The following COL13A1 variants were observed in gnomAD, a reference collection of about 807,000 sequenced individuals.
The protein encoded by COL13A1 is collagen type XIII alpha 1 chain.
Under a neutral mutation model 130.9 loss-of-function variants are expected in COL13A1, and 89 were observed. The ratio of observed to expected loss-of-function variants is 0.68; its 90% CI spans 0.57 to 0.81. The LOEUF (loss-of-function observed/expected upper bound fraction) is 0.81. COL13A1 is among the 30% of genes least tolerant of loss of function. COL13A1 has a pLI of 0.00. For missense variants in COL13A1, 879 were observed against 934.6 expected (o/e 0.94, Z 0.78); for synonymous variants, 402 against 341.6 (o/e 1.18, Z -1.95).
chr10:69,898,079 C>A (rs1305587148), intron 13 of COL13A1, among the ~76,000 whole-genome samples: 1 of 152,188 alleles, frequency 6.6e-6, no homozygotes, highest in African/African-American at 2.4e-5. Flanking sequence ...TCACCCTCAG[C>A]CAGCTCAAAC....
chr10:69,950,197 T>C (rs1393613602), intron 38 of COL13A1, among the ~76,000 whole-genome samples: 1 of 152,074 alleles, frequency 6.6e-6, no homozygotes, highest in African/African-American at 2.4e-5. Context: ...CTGTTAGACA[T>C]TTACTTATGT....
intron 2 of COL13A1, among the ~76,000 whole-genome samples, chr10:69,824,948 T>C (rs909456750): frequency 2.0e-5 from 3 of 152,182 alleles, no homozygotes; most frequent in African/African-American, 4.8e-5. Context: ...TTTCACATCA[T>C]GGAATCACAG....
At chr10:69,885,027 C>T (rs1023058667) in intron 7 of COL13A1, among the ~76,000 whole-genome samples, 1 of 152,138 alleles carries the variant, frequency 6.6e-6, no homozygotes, top group Non-Finnish European at 1.5e-5. Context: ...TTATTAAAGC[C>T]AATTTATTCA....
chr10:69,891,150 A>G (rs941772389), intron 10 of COL13A1, among the ~76,000 whole-genome samples: 1 of 152,208 alleles, frequency 6.6e-6, no homozygotes, highest in Non-Finnish European at 1.5e-5. Context: ...CTCACAGTCT[A>G]GTAGGGAGAC....
chr10:69,950,785 C>T (rs1445994458), intron 38 of COL13A1, among the ~76,000 whole-genome samples: 1 of 152,154 alleles, frequency 6.6e-6, no homozygotes, highest in East Asian at 1.9e-4. Flanking sequence ...TTGCAGACCA[C>T]CTCTGAAATA....
intron 2 of COL13A1, among the ~76,000 whole-genome samples, chr10:69,834,132 A>C (rs1215594640): frequency 6.6e-6 from 1 of 152,128 alleles, no homozygotes; most frequent in African/African-American, 2.4e-5. Context: ...TTCAGGATGA[A>C]ATTGTTCCAC....
At chr10:69,937,093 GAGAC>G (rs1360044445) in intron 33 of COL13A1, among the ~76,000 whole-genome samples, 1 of 152,194 alleles carries the variant, frequency 6.6e-6, no homozygotes, top group Non-Finnish European at 1.5e-5. Context: ...AGGTGGGAGA[GAGAC>G]AGCAACATAG....
rs537376208 is a variant in COL13A1 at position 69,885,188 on chromosome 10, A to AT, written c.514-2268_514-2267insT. ...ACACAAAACCCAAAAGCCATAGGAG[A>AT]AGATTAAGTTTGTCTGTAGAAATAT... On this transcript the variant is annotated intron_variant, in intron 7 of 40. Transcript: ENST00000645393. 1.8e-3 allele frequency among the ~76,000 whole-genome samples: 279 copies of AT among 152,362 alleles called. 2 individuals are homozygous for AT. The highest frequency in any genetic ancestry group is 6.6e-3 in the African/African-American group (273 of 41,586).
intron 40 of COL13A1, among the ~76,000 whole-genome samples, chr10:69,957,753 C>A (rs527778637): frequency 6.6e-6 from 1 of 152,292 alleles, no homozygotes; most frequent in South Asian, 2.1e-4. Context: ...ATCCAGAAGA[C>A]CCGCCTTGGT....
chr10:69,828,798 G>A (rs1848128884), intron 2 of COL13A1, among the ~76,000 whole-genome samples: 1 of 152,092 alleles, frequency 6.6e-6, no homozygotes. Flanking sequence ...CCACCCACTG[G>A]GACAAGTAAT....
chr10:69,810,160 C>T lies in COL13A1; in HGVS notation c.294+7443C>T, dbSNP rs369237649. On this transcript the variant is annotated intron_variant, in intron 1 of 40. Coordinates refer to ENST00000645393, the MANE Select transcript of COL13A1 (RefSeq NM_001368882.1). ...CCTCCTTCTCACTGATCCAGATGTC[C>T]TCAAAGGCTTGCCCTTGTACGGGTG... Among the ~76,000 whole-genome samples, 18 of 152,246 alleles carry T rather than the reference C, an allele frequency of 1.2e-4. 1 individual carries two copies. The East Asian group carries it at 2.5e-3, about 21-fold the overall frequency.
intron 2 of COL13A1, among the ~76,000 whole-genome samples, chr10:69,866,975 G>A (rs1323505707): frequency 2.0e-5 from 3 of 152,120 alleles, no homozygotes; most frequent in Non-Finnish European, 2.9e-5. Flanking sequence ...CTCATGTTCC[G>A]CAGAAGCGCC....
At chr10:69,828,378 C>T (rs1217676918) in intron 2 of COL13A1, among the ~76,000 whole-genome samples, 2 of 152,152 alleles carry the variant, frequency 1.3e-5, no homozygotes, top group Non-Finnish European at 2.9e-5. Context: ...GTGCCCCCTT[C>T]GCCTTCACCC....
At chr10:69,927,272 G>A (rs2065492032) in intron 27 of COL13A1, among the ~76,000 whole-genome samples, 162 bp downstream of exon 27, 1 of 152,144 alleles carries the variant, frequency 6.6e-6, no homozygotes, top group Admixed American at 6.5e-5. Flanking sequence ...CTGAGCTGGA[G>A]GTGATGAGTC....
intron 31 of COL13A1, among the ~76,000 whole-genome samples, chr10:69,932,919 C>G (rs559696968): frequency 3.3e-5 from 5 of 152,000 alleles, no homozygotes; most frequent in African/African-American, 1.2e-4. Flanking sequence ...GGCGGATCAC[C>G]TGAGGTCGGG....
chr10:69,948,467 C>T (rs2136233840), intron 38 of COL13A1, among the ~76,000 whole-genome samples: 1 of 152,316 alleles, frequency 6.6e-6, no homozygotes, highest in East Asian at 1.9e-4. Context: ...AGCAGCGCCA[C>T]CCCTGCCCAT....
rs552313425 is a variant in COL13A1, at chr10:69,864,643, G to A, written c.365-3155G>A. Reference sequence around the variant, plus strand: ...ATTGTTAAGTGTTTGTTGAATGAACGAACATACAAAAAGTGGTTGAAAAAG... The same window carrying A: ...ATTGTTAAGTGTTTGTTGAATGAACAAACATACAAAAAGTGGTTGAAAAAG... On this transcript the variant is annotated intron_variant, in intron 2 of 40. Transcript: ENST00000645393. 1.7e-3 allele frequency among the ~76,000 whole-genome samples: 260 copies of A among 152,280 alleles called. 1 individual carries two copies. Among genetic ancestry groups the A allele is most frequent in the Non-Finnish European group, 2.7e-3 (187 of 68,022 alleles).
chr10:69,941,207 G>A (rs1444769396), intron 35 of COL13A1, among the ~76,000 whole-genome samples, 184 bp downstream of exon 35: 1 of 152,170 alleles, frequency 6.6e-6, no homozygotes, highest in South Asian at 2.1e-4. Flanking sequence ...AAATATGGCT[G>A]GCCTTCATCT....
chr10:69,944,570 G>T (rs1307325267), intron 36 of COL13A1, among the ~76,000 whole-genome samples: 3 of 151,678 alleles, frequency 2.0e-5, no homozygotes, highest in Admixed American at 1.3e-4. Flanking sequence ...GAGGCAGGAG[G>T]ATCAGTTGAG....
Sources: gnomAD v4.1 joint callset for allele counts (sites outside exome capture counted in the v4.1 genomes callset) on GRCh38, gnomAD v4.1.1 for gene constraint, MANE v1.5 for transcripts, NCBI Gene and HGNC (gene_info 2026-07-23, HGNC 2026-07-21) for gene names.